Variants in XKR5 observed in about 807,000 individuals in gnomAD.
XKR5 encodes the protein XK-related protein 5.
XKR5 carries 46 observed loss-of-function variants against 40.8 expected under a neutral mutation model. The observed-to-expected ratio is 1.13, with a 90% CI of 0.89 to 1.44. The LOEUF (loss-of-function observed/expected upper bound fraction) is 1.44. Among genes scored for constraint, XKR5 ranks in the 40% most tolerant of loss-of-function variants. XKR5 has a pLI of 0.00. For missense variants in XKR5, 1,169 were observed against 844.7 expected (o/e 1.38, Z -4.76); for synonymous variants, 466 against 356.1 (o/e 1.31, Z -3.48).
chr8:6,814,622 A>T (rs1327608056), intron 6 of XKR5, among the ~76,000 whole-genome samples: 1 of 152,162 alleles, frequency 6.6e-6, no homozygotes, highest in Non-Finnish European at 1.5e-5. Context: ...AAAACCTGGT[A>T]ATGGGTACGG....
chr8:6,834,935 G>A (rs1804943107), intron 1 of XKR5, among the ~76,000 whole-genome samples: 3 of 152,152 alleles, frequency 2.0e-5, no homozygotes, highest in Non-Finnish European at 4.4e-5. Context: ...GCGGAGCCCT[G>A]TCCCCCTCCC....
At chr8:6,822,387 T>C (rs181607216) in intron 4 of XKR5, among the ~76,000 whole-genome samples, 210 of 152,326 alleles carry the variant, frequency 1.4e-3, no homozygotes, top group African/African-American at 4.7e-3. Context: ...ATTTTAAAAT[T>C]GTTACAAGAG....
chr8:6,808,826 T>A lies in XKR5; in HGVS notation c.*2372A>T, dbSNP rs1035209957. 2 of 152,154 alleles carry A rather than the reference T, an allele frequency of 1.3e-5. No individual in the cohort carries two copies. The highest frequency in any genetic ancestry group is 4.8e-5 in the African/African-American group (2 of 41,434). 9.4% of individuals were successfully genotyped at this position (152,154 alleles called of 1,614,324 possible). Reference sequence around the variant, plus strand: ...CAAATTCCCCATATCCCACCCTTACTTTTACCCCATAACACAAATGCCGTT... The same window carrying A: ...CAAATTCCCCATATCCCACCCTTACATTTACCCCATAACACAAATGCCGTT... On this transcript the variant is annotated 3_prime_UTR_variant, in exon 7 of 7. Transcript: ENST00000618742.
chr8:6,832,379 C>T (rs1049686801), intron 2 of XKR5, among the ~76,000 whole-genome samples: 2 of 152,208 alleles, frequency 1.3e-5, no homozygotes, highest in Non-Finnish European at 2.9e-5. Context: ...GACAGGTGTG[C>T]AGATGGAACT....
At chr8:6,829,299 T>A (rs1326310842) in intron 2 of XKR5, 1 of 169,166 alleles carries the variant, frequency 5.9e-6, no homozygotes, top group African/African-American at 2.4e-5. Context: ...TACAAGTGGA[T>A]TTGTGGGCTT....
At chr8:6,822,872 C>T (rs1004948587) in intron 4 of XKR5, among the ~76,000 whole-genome samples, 8 of 152,204 alleles carry the variant, frequency 5.3e-5, no homozygotes, top group African/African-American at 1.9e-4. Context: ...GTCCAAGATT[C>T]AGCATTCAAA....
intron 1 of XKR5, among the ~76,000 whole-genome samples, chr8:6,834,671 C>G (rs1458412209): frequency 6.6e-6 from 1 of 151,870 alleles, no homozygotes; most frequent in East Asian, 1.9e-4. Flanking sequence ...CAGGGTACCC[C>G]CTCTTCCACC....
chr8:6,825,986 G>A (rs569811523), intron 2 of XKR5, among the ~76,000 whole-genome samples: 56 of 152,242 alleles, frequency 3.7e-4, no homozygotes, highest in African/African-American at 1.3e-3. Context: ...CAGGCTATGG[G>A]GTTTGGATTT....
At chr8:6,828,426 G>C (rs954326777) in intron 2 of XKR5, among the ~76,000 whole-genome samples, 2 of 152,160 alleles carry the variant, frequency 1.3e-5, no homozygotes, top group Non-Finnish European at 2.9e-5. Context: ...GCTGAGTTGT[G>C]GGGCTACTCT....
At chr8:6,834,043 T>A (rs1804888012) in intron 1 of XKR5, among the ~76,000 whole-genome samples, 1 of 152,104 alleles carries the variant, frequency 6.6e-6, no homozygotes, top group African/African-American at 2.4e-5. Flanking sequence ...GGGTCACAGC[T>A]CTCTCTGTGG....
At chr8:6,826,230 C>CAT (rs1052153843) in intron 2 of XKR5, among the ~76,000 whole-genome samples, 2 of 151,920 alleles carry the variant, frequency 1.3e-5, no homozygotes, top group Non-Finnish European at 2.9e-5. Flanking sequence ...TATGTGCTTG[C>CAT]ATATATATAG....
rs556670676 is a variant in XKR5, at chr8:6,835,139, CG to C, written c.58+296del. On this transcript the variant is annotated intron_variant, in intron 1 of 6. Transcript: ENST00000618742. Reference sequence around the variant, plus strand: ...GCGAGGGGATCTTGCATGCGTGGGGCGGGGGGATCGTGCATGGGCGGGAGGA... The same window carrying C: ...GCGAGGGGATCTTGCATGCGTGGGGCGGGGGATCGTGCATGGGCGGGAGGA... 2.9e-3 allele frequency among the ~76,000 whole-genome samples: 393 copies of C among 137,692 alleles called. 1 individual carries two copies. The highest frequency in any genetic ancestry group is 1.0e-2 in the African/African-American group (372 of 37,218). 90.3% of individuals were successfully genotyped at this position (137,692 alleles called of 152,430 possible).
Position 6,811,414 on chromosome 8 carries a change from G to C in XKR5, c.1845C>G (p.Gly615=). The change falls in exon 7 of 7, where the codon GGC becomes GGG. Residue 615 remains glycine, a synonymous_variant. Transcript: ENST00000618742. ...AGATACTGAGGGTTCTTCCAGGGAAGCCTGCACTGGGGCAGAAGCCTCTAC... is the reference window on the plus strand; with the variant it reads ...AGATACTGAGGGTTCTTCCAGGGAACCCTGCACTGGGGCAGAAGCCTCTAC... The part of the protein sequence containing the change: ...GPCRGFCPSA[G]FPGRTLSISE... 6.5e-7 allele frequency: 1 copy of C among 1,537,246 alleles called. No individual in the cohort carries two copies. Among genetic ancestry groups the C allele is most frequent in the Non-Finnish European group, 8.7e-7 (1 of 1,146,892 alleles).
At position 6,812,302 on chromosome 8, in the gene XKR5, A is replaced by G. The variant is rs1803765211; in HGVS notation, c.957T>C (p.His319=). 1 of 1,553,236 alleles carries G rather than the reference A, an allele frequency of 6.4e-7. No homozygotes were observed. The highest frequency in any genetic ancestry group is 1.4e-5 in the African/African-American group (1 of 73,286). The change falls in exon 7 of 7, where the codon CAT becomes CAC. Residue 319 remains histidine, a synonymous_variant. Transcript: ENST00000618742. ...VSLVIYYSLL[H]PKSTDIWQGC... ...CCTGCCAGATGTCTGTGGATTTTGG[A>G]TGCAGCAGGCTGTAATAAATTACCA... is the stretch of plus-strand genomic sequence containing the variant.
chr8:6,814,983 G>C (rs1014535208), intron 6 of XKR5, among the ~76,000 whole-genome samples: 1 of 152,224 alleles, frequency 6.6e-6, no homozygotes, highest in Admixed American at 6.5e-5. Flanking sequence ...GGGTGTGGGT[G>C]ACAGAGAGCA....
At chr8:6,825,058 C>G in intron 3 of XKR5, 107 bp downstream of exon 3, 1 of 1,367,634 alleles carries the variant, frequency 7.3e-7, no homozygotes, top group Non-Finnish European at 1.0e-6. Flanking sequence ...TGCCCTAATG[C>G]TCCTAAGCAG....
intron 1 of XKR5, among the ~76,000 whole-genome samples, chr8:6,835,000 G>A (rs1466011393): frequency 6.6e-6 from 1 of 152,166 alleles, no homozygotes; most frequent in African/African-American, 2.4e-5. Context: ...CTGGACGGCC[G>A]GGGGTCGGGG....
intron 2 of XKR5, among the ~76,000 whole-genome samples, chr8:6,827,625 T>A (rs1020154148): frequency 3.3e-5 from 5 of 152,234 alleles, no homozygotes; most frequent in Non-Finnish European, 5.9e-5. Flanking sequence ...GAAAAACATA[T>A]GACACTAAAA....
At position 6,823,812 on chromosome 8, in the gene XKR5, C is replaced by A. The variant is rs993532930; in HGVS notation, c.428-82G>T. On this transcript the variant is annotated intron_variant, in intron 3 of 6. Coordinates refer to ENST00000618742, the MANE Select transcript of XKR5 (RefSeq NM_207411.5). ...TTGTGAAGATTCACTCATGGCATTT[C>A]TTTAATGGGATGTGTAACCTCTTGT... The A allele has an allele frequency of 7.3e-5, 89 of 1,211,582 alleles. No homozygotes were observed. In the African/African-American group the frequency reaches 1.2e-3, roughly 16 times the overall value. 75.1% of individuals were successfully genotyped at this position (1,211,582 alleles called of 1,614,324 possible).
Sources: gnomAD v4.1 joint callset for allele counts (sites outside exome capture counted in the v4.1 genomes callset) on GRCh38, gnomAD v4.1.1 for gene constraint, MANE v1.5 for transcripts, NCBI Gene and HGNC (gene_info 2026-07-23, HGNC 2026-07-21) for gene names.